Variants in CABIN1 observed in about 807,000 individuals in gnomAD.
CABIN1 encodes calcineurin binding protein 1.
Under a neutral mutation model 227.7 loss-of-function variants are expected in CABIN1, and 133 were observed. That is an observed-to-expected ratio of 0.58 (90% CI 0.51 to 0.67). CABIN1 has a LOEUF of 0.67. Among genes scored for constraint, CABIN1 ranks in the 30% least tolerant of loss-of-function variants. The probability of loss-of-function intolerance (pLI) is 0.00; values close to 1 mark genes in which losing one functional copy is unlikely to be tolerated. For synonymous variants in CABIN1, 1,086 were observed against 1,155.1 expected, an observed-to-expected ratio of 0.94 and a Z score of 1.21; for missense variants, 2,408 against 2,852.5, an observed-to-expected ratio of 0.84 and a Z score of 3.55.
chr22:24,053,441 G>A (rs1261001217), intron 8 of CABIN1, among the ~76,000 whole-genome samples: 2 of 151,764 alleles, frequency 1.3e-5, no homozygotes, highest in Middle Eastern at 3.4e-3. Flanking sequence ...GCAGTGGTGC[G>A]ATCTTGGCTC....
At chr22:24,068,210 G>C (rs964066317) in intron 16 of CABIN1, among the ~76,000 whole-genome samples, 7 of 152,216 alleles carry the variant, frequency 4.6e-5, no homozygotes, top group African/African-American at 1.4e-4. Context: ...GAGGGAGAAG[G>C]GGGTGGAGGG....
At chr22:24,175,541 A>C (rs2047056311) in intron 34 of CABIN1, among the ~76,000 whole-genome samples, 1 of 152,222 alleles carries the variant, frequency 6.6e-6, no homozygotes, top group African/African-American at 2.4e-5. Flanking sequence ...ACCGATGCTG[A>C]GTAGTCACCT....
At chr22:24,014,821 C>G (rs1479894756) in intron 1 of CABIN1, among the ~76,000 whole-genome samples, 5 of 152,162 alleles carry the variant, frequency 3.3e-5, no homozygotes, top group Admixed American at 3.3e-4. Context: ...GCTTTCCCAC[C>G]TACCCTGTAT....
intron 33 of CABIN1, among the ~76,000 whole-genome samples, chr22:24,168,915 C>G (rs533269879): frequency 6.6e-6 from 1 of 152,126 alleles, no homozygotes; most frequent in African/African-American, 2.4e-5. Context: ...GACTGCCCCC[C>G]GCCCCACCGC....
chr22:24,040,192 G>C (rs1342479615), intron 4 of CABIN1, among the ~76,000 whole-genome samples: 1 of 152,226 alleles, frequency 6.6e-6, no homozygotes, highest in Non-Finnish European at 1.5e-5. Context: ...GCCCTGGTCA[G>C]CTGGTTCTTG....
At chr22:24,106,191 T>TG (rs2042504780) in intron 26 of CABIN1, among the ~76,000 whole-genome samples, 1 of 152,212 alleles carries the variant, frequency 6.6e-6, no homozygotes, top group Admixed American at 6.5e-5. Context: ...ACATGGCTGA[T>TG]GGATGGGGGT....
At chr22:24,091,290 A>C (rs1430870745) in intron 23 of CABIN1, among the ~76,000 whole-genome samples, 1 of 152,162 alleles carries the variant, frequency 6.6e-6, no homozygotes, top group Non-Finnish European at 1.5e-5. Flanking sequence ...GTGCTAGGTG[A>C]ATCTGCATTA....
intron 34 of CABIN1, among the ~76,000 whole-genome samples, chr22:24,172,240 G>A (rs887213889): frequency 2.6e-5 from 4 of 152,226 alleles, no homozygotes; most frequent in African/African-American, 9.6e-5. Flanking sequence ...TCTGTGAAAG[G>A]GGGTGGTGAG....
chr22:24,097,072 C>T (rs755877359), intron 25 of CABIN1, among the ~76,000 whole-genome samples: 4 of 152,242 alleles, frequency 2.6e-5, no homozygotes, highest in Non-Finnish European at 5.9e-5. Flanking sequence ...CATGGCAGGC[C>T]ACTCAGGTGG....
intron 26 of CABIN1, among the ~76,000 whole-genome samples, chr22:24,104,903 G>C (rs176156): frequency 0.28 from 42,180 of 152,124 alleles, 7,140 homozygotes; most frequent in African/African-American, 0.48. Flanking sequence ...AGTAGCACAA[G>C]CATACATCTT....
chr22:24,167,316 G>A lies in CABIN1; in HGVS notation c.5682+3G>A. 1 of 1,610,962 alleles carries A rather than the reference G, an allele frequency of 6.2e-7. No homozygotes were observed. Among genetic ancestry groups the A allele is most frequent in the Non-Finnish European group, 8.5e-7 (1 of 1,178,868 alleles). On this transcript the variant is annotated splice_donor_region_variant and intron_variant, in intron 32 of 36. Coordinates refer to ENST00000263119, the MANE Select transcript of CABIN1 (RefSeq NM_012295.4). Reference sequence around the variant, plus strand: ...AGACCTACATGCTCATCAAGCAGGTGGGTGGCAGGCAGAGGCCTGGGGGCA... The same window carrying A: ...AGACCTACATGCTCATCAAGCAGGTAGGTGGCAGGCAGAGGCCTGGGGGCA...
In CABIN1 at chr22:24,058,746, C is replaced by T. The variant is rs185558479; in HGVS notation, c.1263-481C>T. 7.9e-5 allele frequency among the ~76,000 whole-genome samples: 12 copies of T among 152,334 alleles called. No homozygotes were observed. In the East Asian group the frequency reaches 2.1e-3, roughly 27 times the overall value. On this transcript the variant is annotated intron_variant, in intron 10 of 36. Transcript: ENST00000263119. The stretch of plus-strand genomic sequence containing the variant: ...CTTTGTATTGCAAGCCCTTCTCCTC[C>T]TCCAGTGTGTCAGCATGAACATTAT...
chr22:24,054,333 C>T (rs1468138847), intron 8 of CABIN1, among the ~76,000 whole-genome samples: 1 of 152,178 alleles, frequency 6.6e-6, no homozygotes, highest in Non-Finnish European at 1.5e-5. Flanking sequence ...CAACAAAACA[C>T]ACAACAGTCT....
chr22:24,042,883 C>T, intron 5 of CABIN1, 21 bp from the exon 6 acceptor site: 1 of 1,280,818 alleles, frequency 7.8e-7, no homozygotes, highest in Non-Finnish European at 1.1e-6. Context: ...TGTGTTTGCC[C>T]TCTGCTTGTG....
Position 24,178,298 on chromosome 22 carries a change from A to G in CABIN1, c.*102A>G. ...AGGACCAGAGGCCCACATGGATGCC[A>G]CTCCCCACACAGCCCCCAGGCCTGC... On this transcript the variant is annotated 3_prime_UTR_variant, in exon 37 of 37. Coordinates refer to ENST00000263119, the MANE Select transcript of CABIN1 (RefSeq NM_012295.4). 1 of 1,442,142 alleles carries G rather than the reference A, an allele frequency of 6.9e-7. No homozygotes were observed. The highest frequency in any genetic ancestry group is 9.5e-7 in the Non-Finnish European group (1 of 1,051,806). 89.3% of individuals were successfully genotyped at this position (1,442,142 alleles called of 1,614,324 possible).
Position 24,113,739 on chromosome 22 carries a change from G to T in CABIN1, c.4291G>T (p.Glu1431Ter), listed in dbSNP as rs2042931503. Residue 1431 changes from glutamate to a stop codon, truncating the protein, a stop_gained, in exon 27 of 37, where the codon GAA becomes TAA. Coordinates refer to ENST00000263119, the MANE Select transcript of CABIN1 (RefSeq NM_012295.4). LOFTEE classifies it high-confidence loss of function. ...ATGKDLQGAT[E>*]ERGKNEESLE... ...GGGTAAAGATCTTCAGGGGGCCACA[G>T]AAGAAAGAGGTATGAAGCCCTAACT... The T allele has an allele frequency of 3.1e-6, 5 of 1,613,882 alleles. No homozygotes were observed. Among genetic ancestry groups the T allele is most frequent in the Non-Finnish European group, 4.2e-6 (5 of 1,180,030 alleles).
chr22:24,123,317 C>T (rs535253373), intron 28 of CABIN1, among the ~76,000 whole-genome samples: 1 of 152,230 alleles, frequency 6.6e-6, no homozygotes, highest in African/African-American at 2.4e-5. Context: ...AATCTTAGAC[C>T]CCTTAAGCAG....
Position 24,087,722 on chromosome 22 carries a change from G to C in CABIN1, c.3525+9G>C, listed in dbSNP as rs781298039. ...CTGAGCTCGTGCAGCAGGTGAGGAG[G>C]GGGTGCTGCAGATGGGCTTGCCATC... On this transcript the variant is annotated intron_variant, in intron 23 of 36. Coordinates refer to ENST00000263119, the MANE Select transcript of CABIN1 (RefSeq NM_012295.4). 1.2e-6 allele frequency: 2 copies of C among 1,613,278 alleles called. No homozygotes were observed. Among genetic ancestry groups the C allele is most frequent in the East Asian group, 4.5e-5 (2 of 44,896 alleles).
At chr22:24,150,700 G>A (rs753436507) in intron 29 of CABIN1, among the ~76,000 whole-genome samples, 1 of 152,212 alleles carries the variant, frequency 6.6e-6, no homozygotes, top group African/African-American at 2.4e-5. Context: ...GAGAGAGTAC[G>A]TTTTGGCCAC....
Sources: gnomAD v4.1 joint callset for allele counts (sites outside exome capture counted in the v4.1 genomes callset) on GRCh38, gnomAD v4.1.1 for gene constraint, MANE v1.5 for transcripts, NCBI Gene and HGNC (gene_info 2026-07-23, HGNC 2026-07-21) for gene names.